Variants in BTG4 observed in about 807,000 individuals in gnomAD.
BTG4 encodes BTG anti-proliferation factor 4, also known as protein BTG4.
In BTG4, 10 loss-of-function variants were observed where a neutral mutation model predicts 19.3. That is an observed-to-expected ratio of 0.52 (90% CI 0.32 to 0.88). BTG4 has a LOEUF of 0.88. Among genes scored for constraint, BTG4 ranks in the 40% least tolerant of loss-of-function variants. BTG4 has a pLI of 0.04. For synonymous variants in BTG4, 91 were observed against 95.7 expected, an observed-to-expected ratio of 0.95 and a Z score of 0.29; for missense variants, 238 against 281.9, an observed-to-expected ratio of 0.84 and a Z score of 1.11.
the BTG4 span, among the ~76,000 whole-genome samples, chr11:111,444,656 TTAATACA>T: frequency 2.0e-5 from 3 of 152,194 alleles, no homozygotes; most frequent in Non-Finnish European, 4.4e-5. Flanking sequence ...ATGAGATGTT[TTAATACA>T]TAATACCCCA....
chr11:111,393,079 A>G, the BTG4 span, among the ~76,000 whole-genome samples: 1 of 152,138 alleles, frequency 6.6e-6, no homozygotes, highest in African/African-American at 2.4e-5. Context: ...AGATTCATGA[A>G]CATACAATAC....
chr11:111,425,837 G>A, the BTG4 span, among the ~76,000 whole-genome samples: 1 of 152,184 alleles, frequency 6.6e-6, no homozygotes, highest in African/African-American at 2.4e-5. Flanking sequence ...TTTGAGACTA[G>A]CCTGGGTAAC....
At chr11:111,499,274 C>T (rs546066400) in intron 1 of BTG4, among the ~76,000 whole-genome samples, 43 of 152,276 alleles carry the variant, frequency 2.8e-4, no homozygotes, top group Admixed American at 4.6e-4. Flanking sequence ...GAAAAGTGGG[C>T]GAGACTTAGA....
chr11:111,400,006 G>A, the BTG4 span, among the ~76,000 whole-genome samples: 9 of 152,176 alleles, frequency 5.9e-5, no homozygotes, highest in African/African-American at 1.7e-4. Context: ...GGAGAAAGCC[G>A]GGATGGGTGA....
At chr11:111,513,147 G>C (rs1457478529), upstream of BTG4, 4 of 383,758 alleles carry the variant, frequency 1.0e-5, no homozygotes, top group Non-Finnish European at 2.2e-5. Flanking sequence ...AGCGCCCGCT[G>C]CAAGTGCGAG....
chr11:111,383,926 G>A, the BTG4 span, among the ~76,000 whole-genome samples: 255 of 152,146 alleles, frequency 1.7e-3, 1 homozygote, highest in African/African-American at 3.9e-3. Context: ...AATTTTCTCC[G>A]CAGAAGTACA....
chr11:111,432,270 G>A, the BTG4 span, among the ~76,000 whole-genome samples: 28,628 of 152,020 alleles, frequency 0.19, 4,382 homozygotes, highest in African/African-American at 0.42. Context: ...CCTGCCTCCC[G>A]GATCACTTAA....
the BTG4 span, among the ~76,000 whole-genome samples, chr11:111,415,499 G>A: frequency 2.3e-4 from 35 of 152,324 alleles, no homozygotes; most frequent in Admixed American, 6.5e-4. Flanking sequence ...CAGAGACCAG[G>A]CTAGAGAGAG....
chr11:111,451,346 G>A, the BTG4 span: 1 of 447,730 alleles, frequency 2.2e-6, no homozygotes, highest in Non-Finnish European at 4.6e-6. Flanking sequence ...GCCTCTTTCT[G>A]CAGCAGTTCC....
chr11:111,394,521 C>T, the BTG4 span, among the ~76,000 whole-genome samples: 1 of 152,070 alleles, frequency 6.6e-6, no homozygotes, highest in East Asian at 1.9e-4. Context: ...ATTGTGAGAC[C>T]CCCCCACCAG....
At chr11:111,425,587 T>G in the BTG4 span, among the ~76,000 whole-genome samples, 1 of 152,200 alleles carries the variant, frequency 6.6e-6, no homozygotes, top group African/African-American at 2.4e-5. Context: ...TATTGAAATT[T>G]CAGTTAAGAA....
In BTG4 at chr11:111,495,145, G is replaced by T; in HGVS notation, c.680C>A (p.Thr227Lys). The change falls in exon 5 of 5, where the codon ACA (threonine) becomes AAA (lysine). Residue 227 changes from threonine to lysine, a missense_variant. Transcript: ENST00000692032. ...HRLDRYHWVNTHR is the reference protein window; with the variant it reads ...HRLDRYHWVNKHR Reference sequence around the variant, plus strand: ...TGCCCAGTCGCTGCGTCATCGGTGTGTGTTGACCCAGTGGTACCTGTCCAG... The same window carrying T: ...TGCCCAGTCGCTGCGTCATCGGTGTTTGTTGACCCAGTGGTACCTGTCCAG... 3 of 1,572,710 alleles carry T rather than the reference G, an allele frequency of 1.9e-6. 1 individual carries two copies. In the South Asian group the frequency reaches 3.5e-5, roughly 19 times the overall value.
At chr11:111,454,464 G>T in the BTG4 span, 27 of 370,876 alleles carry the variant, frequency 7.3e-5, no homozygotes, top group Non-Finnish European at 1.3e-4. Flanking sequence ...AGAGTCCAAA[G>T]AATATGGAAC....
chr11:111,397,405 C>T, the BTG4 span, among the ~76,000 whole-genome samples: 1 of 152,148 alleles, frequency 6.6e-6, no homozygotes, highest in African/African-American at 2.4e-5. Flanking sequence ...CCAGCATATT[C>T]AGCTTGCAGT....
chr11:111,498,847 T>A, intron 1 of BTG4, 45 bp from the exon 2 acceptor site: 1 of 1,331,908 alleles, frequency 7.5e-7, no homozygotes, highest in Non-Finnish European at 1.0e-6. Context: ...AGAAATGGTT[T>A]AACTTATTAT....
chr11:111,386,133 G>C, the BTG4 span: 4 of 152,170 alleles, frequency 2.6e-5, no homozygotes, highest in Admixed American at 1.3e-4. Context: ...ATTCCAGCCT[G>C]AGCAACAAAG....
At chr11:111,423,474 C>T in the BTG4 span, among the ~76,000 whole-genome samples, 1 of 152,208 alleles carries the variant, frequency 6.6e-6, no homozygotes, top group South Asian at 2.1e-4. Flanking sequence ...CTGCACCGAT[C>T]TCAAAGCATC....
intron 5 of BTG4, among the ~76,000 whole-genome samples, chr11:111,470,817 G>C (rs929991387): frequency 6.6e-6 from 1 of 152,116 alleles, no homozygotes; most frequent in East Asian, 1.9e-4. Flanking sequence ...CAGCTATTCA[G>C]GAGGCTGAGG....
At chr11:111,444,506 A>G in the BTG4 span, among the ~76,000 whole-genome samples, 1 of 152,284 alleles carries the variant, frequency 6.6e-6, no homozygotes, top group South Asian at 2.1e-4. Flanking sequence ...TACCAAAACA[A>G]ATAGAAAGAA....
Sources: allele counts gnomAD v4.1 joint callset (sites outside exome capture counted in the v4.1 genomes callset), GRCh38; gene constraint gnomAD v4.1.1; transcripts MANE v1.5; gene names NCBI Gene and HGNC (gene_info 2026-07-23, HGNC 2026-07-21).